The following METTL15 variants were observed in gnomAD, a reference collection of about 807,000 sequenced individuals.
METTL15 encodes 12S rRNA N(4)-cytidine methyltransferase METTL15.
METTL15 carries 34 observed loss-of-function variants against 38.3 expected under a neutral mutation model. The ratio of observed to expected loss-of-function variants is 0.89; its 90% confidence interval spans 0.68 to 1.18. METTL15 has a LOEUF of 1.18. Among genes scored for constraint, METTL15 ranks in the 50% most tolerant of loss-of-function variants. The pLI, the probability that METTL15 is intolerant of heterozygous loss-of-function variation, is 0.00. For synonymous variants in METTL15, 162 were observed against 170.9 expected (o/e 0.95, Z 0.41); for missense variants, 438 against 498.4 (o/e 0.88, Z 1.15).
At chr11:28,258,749 G>C (rs983963837) in intron 4 of METTL15, among the ~76,000 whole-genome samples, 1 of 152,074 alleles carries the variant, frequency 6.6e-6, no homozygotes, top group Non-Finnish European at 1.5e-5. Context: ...ATGCTGCCTG[G>C]CTTAGGACTC....
intron 3 of METTL15, among the ~76,000 whole-genome samples, chr11:28,139,303 T>C (rs1290119035): frequency 1.3e-5 from 2 of 152,040 alleles, no homozygotes; most frequent in African/African-American, 2.4e-5. Context: ...TTGAGAGAAA[T>C]ACAGACTGAA....
rs1004902089 is a variant in METTL15, at chr11:28,330,698, G to A, written c.1081G>A (p.Glu361Lys). 3.9e-6 allele frequency: 6 copies of A among 1,551,348 alleles called. No individual in the cohort carries two copies. Among genetic ancestry groups the A allele is most frequent in the African/African-American group, 2.7e-5 (2 of 73,014 alleles). The change falls in exon 7 of 7, where the codon GAA becomes AAA. Residue 361 changes from glutamate (E) to lysine (K), a missense_variant. Transcript: ENST00000407364. The part of the protein sequence containing the change: ...MKTSQLGSDH[E>K]NTEEVSMRRA... ...AACATCTCAATTGGGTTCAGATCAC[G>A]AAAACACGGAAGAAGTCTCTATGAG...
chr11:28,422,522 C>T (rs770350189), intron 5 of METTL15, among the ~76,000 whole-genome samples: 8 of 151,838 alleles, frequency 5.3e-5, no homozygotes, highest in Non-Finnish European at 7.4e-5. Flanking sequence ...GAATAGAGAA[C>T]TCAGAAACAA....
intron 5 of METTL15, among the ~76,000 whole-genome samples, chr11:28,399,760 A>C (rs2133402921): frequency 6.6e-6 from 1 of 152,032 alleles, no homozygotes; most frequent in African/African-American, 2.4e-5. Flanking sequence ...TGCCAAAAAT[A>C]AAATTTTAAA....
intron 4 of METTL15, among the ~76,000 whole-genome samples, chr11:28,248,045 A>T (rs1210250787): frequency 6.6e-6 from 1 of 152,110 alleles, no homozygotes; most frequent in African/African-American, 2.4e-5. Flanking sequence ...ATTTGGGGGA[A>T]TAAACACTAT....
intron 5 of METTL15, among the ~76,000 whole-genome samples, chr11:28,409,319 T>C (rs1850704317): frequency 7.1e-6 from 1 of 140,970 alleles, no homozygotes. Context: ...GAGGCAGAGC[T>C]TGCAGTGAGC....
chr11:28,286,905 G>A, intron 4 of METTL15, among the ~76,000 whole-genome samples: 1 of 151,130 alleles, frequency 6.6e-6, no homozygotes, highest in African/African-American at 2.4e-5. Flanking sequence ...ATATATATAT[G>A]TGTGTGTGTA....
intron 3 of METTL15, among the ~76,000 whole-genome samples, chr11:28,162,267 C>T (rs573014705): frequency 1.3e-5 from 2 of 152,066 alleles, no homozygotes; most frequent in South Asian, 4.1e-4. Flanking sequence ...GCAACTGTAA[C>T]AAGAAACAAA....
intron 4 of METTL15, among the ~76,000 whole-genome samples, chr11:28,233,749 T>C (rs1427168942): frequency 2.6e-5 from 4 of 152,152 alleles, no homozygotes; most frequent in Non-Finnish European, 4.4e-5. Context: ...TTTGTAGTTA[T>C]GCCATCAGTT....
intron 3 of METTL15, among the ~76,000 whole-genome samples, chr11:28,191,364 T>TA (rs2133802871): frequency 6.6e-6 from 1 of 151,390 alleles, no homozygotes; most frequent in Admixed American, 6.6e-5. Flanking sequence ...AATAGTCAAC[T>TA]AAAATAGGAA....
At chr11:28,402,733 G>A (rs145036996) in intron 5 of METTL15, among the ~76,000 whole-genome samples, 1,948 of 151,812 alleles carry the variant, frequency 0.013, 53 homozygotes, top group African/African-American at 0.044. Context: ...GTTTTGTCAC[G>A]TGAATATATT....
At chr11:28,162,520 A>G (rs899032868) in intron 3 of METTL15, among the ~76,000 whole-genome samples, 45 of 152,122 alleles carry the variant, frequency 3.0e-4, no homozygotes, top group Non-Finnish European at 5.3e-4. Context: ...TCCATTAGCT[A>G]TTCTGGACTT....
intron 6 of METTL15, among the ~76,000 whole-genome samples, chr11:28,524,955 G>A (rs935372201): frequency 6.6e-6 from 1 of 152,092 alleles, no homozygotes; most frequent in African/African-American, 2.4e-5. Context: ...TCCTTCTGGT[G>A]GGTTCATGGT....
intron 3 of METTL15, among the ~76,000 whole-genome samples, chr11:28,197,052 T>A (rs1016559060): frequency 9.9e-5 from 15 of 151,996 alleles, no homozygotes; most frequent in African/African-American, 3.6e-4. Flanking sequence ...ATTTAAAAAA[T>A]CATCTGTTAA....
chr11:28,361,771 G>A (rs1395960127), intron 4 of METTL15, among the ~76,000 whole-genome samples: 3 of 152,018 alleles, frequency 2.0e-5, no homozygotes, highest in South Asian at 4.1e-4. Context: ...AAGAGTTTGG[G>A]GTCCCGGAGC....
At chr11:28,277,817 G>A (rs908210536) in intron 4 of METTL15, among the ~76,000 whole-genome samples, 1 of 152,138 alleles carries the variant, frequency 6.6e-6, no homozygotes, top group Non-Finnish European at 1.5e-5. Flanking sequence ...AATATTGTAT[G>A]TTCTCACTTA....
At chr11:28,428,971 G>A (rs1040461477) in intron 6 of METTL15, among the ~76,000 whole-genome samples, 7 of 152,022 alleles carry the variant, frequency 4.6e-5, no homozygotes, top group Admixed American at 4.6e-4. Flanking sequence ...ACCTTTATCT[G>A]GAAGGCTCAT....
At chr11:28,412,715 T>A (rs948169502) in intron 5 of METTL15, among the ~76,000 whole-genome samples, 6 of 151,904 alleles carry the variant, frequency 3.9e-5, no homozygotes, top group Non-Finnish European at 8.8e-5. Context: ...GGACAGAGAA[T>A]GAAACATTGG....
chr11:28,297,590 G>A (rs1305400494), intron 6 of METTL15, among the ~76,000 whole-genome samples: 5 of 152,072 alleles, frequency 3.3e-5, no homozygotes, highest in Non-Finnish European at 7.4e-5. Context: ...TAGCTAGGAG[G>A]CGCTTTATTA....
Sources: allele counts gnomAD v4.1 joint callset (sites outside exome capture counted in the v4.1 genomes callset), GRCh38; gene constraint gnomAD v4.1.1; transcripts MANE v1.5; gene names NCBI Gene and HGNC (gene_info 2026-07-23, HGNC 2026-07-21).